UNC13C: variants seen among roughly 807,000 people sequenced by gnomAD.
UNC13C encodes the protein protein unc-13 homolog C.
A neutral mutation model predicts 245.4 loss-of-function variants in UNC13C; 174 were observed. That is an observed-to-expected ratio of 0.71 (90% CI 0.63 to 0.80). UNC13C has a LOEUF of 0.80. Ranked by LOEUF, UNC13C falls within the 30% of genes least tolerant of loss-of-function variation. The probability of loss-of-function intolerance (pLI) is 0.00; values close to 1 mark genes in which losing one functional copy is unlikely to be tolerated. For missense variants in UNC13C, 2,829 were observed against 2,602.9 expected, an observed-to-expected ratio of 1.09 and a Z score of -1.89; for synonymous variants, 992 against 895.1, an observed-to-expected ratio of 1.11 and a Z score of -1.93.
chr15:53,892,532 C>CT, the UNC13C span, among the ~76,000 whole-genome samples: 1 of 152,148 alleles, frequency 6.6e-6, no homozygotes, highest in Non-Finnish European at 1.5e-5. Context: ...TACATTTAGT[C>CT]TTTTCACATA....
intron 4 of UNC13C, among the ~76,000 whole-genome samples, chr15:54,188,477 G>C (rs1284333667): frequency 1.3e-5 from 2 of 151,958 alleles, no homozygotes; most frequent in African/African-American, 4.8e-5. Context: ...TGATAATTGG[G>C]TACAACAAAC....
At chr15:54,607,836 C>T (rs763909407) in intron 30 of UNC13C, among the ~76,000 whole-genome samples, 21 of 152,156 alleles carry the variant, frequency 1.4e-4, no homozygotes, top group Non-Finnish European at 2.9e-4. Flanking sequence ...GAAATTTGCT[C>T]CCATGATCCA....
the UNC13C span, among the ~76,000 whole-genome samples, chr15:53,873,744 T>TCTTTTTCTAGCAGATGACTTGC: frequency 6.6e-6 from 1 of 150,804 alleles, no homozygotes; most frequent in Admixed American, 6.6e-5. Flanking sequence ...GACACACAAC[T>TCTTTTTCTAGCAGATGACTTGC]ATGTTGCCCA....
intron 19 of UNC13C, among the ~76,000 whole-genome samples, chr15:54,460,004 G>T (rs528231575): frequency 6.6e-6 from 1 of 152,150 alleles, no homozygotes; most frequent in South Asian, 2.1e-4. Flanking sequence ...TACTTTTCTG[G>T]TTCCTTCTAC....
chr15:53,859,832 C>T, the UNC13C span, among the ~76,000 whole-genome samples: 376 of 152,174 alleles, frequency 2.5e-3, 2 homozygotes, highest in Non-Finnish European at 2.9e-3. Flanking sequence ...ATTGCTGAAT[C>T]CTTCTGATTT....
At chr15:54,175,267 C>T (rs1236139598) in intron 4 of UNC13C, among the ~76,000 whole-genome samples, 1 of 151,986 alleles carries the variant, frequency 6.6e-6, no homozygotes, top group Non-Finnish European at 1.5e-5. Context: ...ATACCCAGAC[C>T]GATGTTTGAT....
chr15:54,176,046 A>C (rs2033602146), intron 4 of UNC13C, among the ~76,000 whole-genome samples: 1 of 152,210 alleles, frequency 6.6e-6, no homozygotes, highest in African/African-American at 2.4e-5. Context: ...CTTAGTGTAG[A>C]TGTCTACTCT....
At chr15:53,999,888 A>G (rs72736973) in intron 1 of UNC13C, among the ~76,000 whole-genome samples, 2,656 of 152,092 alleles carry the variant, frequency 0.017, 37 homozygotes, top group Middle Eastern at 0.058. Flanking sequence ...AATGTCTTTT[A>G]TTATGGTCAC....
At chr15:54,558,505 G>T (rs776920048) in intron 29 of UNC13C, among the ~76,000 whole-genome samples, 1 of 151,874 alleles carries the variant, frequency 6.6e-6, no homozygotes, top group Non-Finnish European at 1.5e-5. Flanking sequence ...AAAATACCAC[G>T]TCAATTACTT....
At chr15:54,287,107 G>A (rs956067447) in intron 10 of UNC13C, among the ~76,000 whole-genome samples, 31 of 152,190 alleles carry the variant, frequency 2.0e-4, no homozygotes, top group South Asian at 2.1e-4. Context: ...CCCTAAACCC[G>A]GGGTCTTGGT....
chr15:54,346,531 T>A (rs1319389792), intron 17 of UNC13C, among the ~76,000 whole-genome samples: 1 of 152,212 alleles, frequency 6.6e-6, no homozygotes, highest in Non-Finnish European at 1.5e-5. Context: ...GTCTGATTAT[T>A]TAAATGTGGA....
intron 17 of UNC13C, among the ~76,000 whole-genome samples, chr15:54,340,392 A>T (rs1470258236): frequency 3.3e-5 from 5 of 152,144 alleles, no homozygotes; most frequent in Non-Finnish European, 2.9e-5. Flanking sequence ...TTCTGATGTT[A>T]TCTGCTAGAA....
At chr15:54,486,986 A>G (rs1043526603) in intron 19 of UNC13C, among the ~76,000 whole-genome samples, 2 of 152,186 alleles carry the variant, frequency 1.3e-5, no homozygotes, top group African/African-American at 4.8e-5. Context: ...TCAATCAGAG[A>G]GTATATCTAA....
intron 26 of UNC13C, among the ~76,000 whole-genome samples, chr15:54,542,228 A>G (rs1002509935): frequency 6.6e-6 from 1 of 152,000 alleles, no homozygotes; most frequent in African/African-American, 2.4e-5. Flanking sequence ...CAAAGAACTT[A>G]TTTATTTCTG....
intron 2 of UNC13C, among the ~76,000 whole-genome samples, chr15:54,062,384 A>G (rs1897883646): frequency 6.6e-6 from 1 of 151,746 alleles, no homozygotes; most frequent in Non-Finnish European, 1.5e-5. Context: ...CAGAGGTCGT[A>G]GTTTCCTATA....
At chr15:54,104,324 CT>C (rs938387294) in intron 2 of UNC13C, among the ~76,000 whole-genome samples, 3 of 152,066 alleles carry the variant, frequency 2.0e-5, no homozygotes, top group African/African-American at 7.2e-5. Flanking sequence ...CTTTTTCATC[CT>C]TTTTTTCCCT....
At chr15:54,063,369 A>G (rs960962130) in intron 2 of UNC13C, among the ~76,000 whole-genome samples, 1 of 152,134 alleles carries the variant, frequency 6.6e-6, no homozygotes, top group Non-Finnish European at 1.5e-5. Context: ...TTAGGATGTT[A>G]GAGTCCTTGG....
intron 30 of UNC13C, among the ~76,000 whole-genome samples, chr15:54,600,428 A>AT (rs1392777132): frequency 1.3e-5 from 2 of 152,114 alleles, no homozygotes; most frequent in Non-Finnish European, 2.9e-5. Context: ...TATTCAGAGT[A>AT]TAGGGGAGCA....
In UNC13C at chr15:54,013,415, G is replaced by A. The variant is rs137929834; in HGVS notation, c.512G>A (p.Arg171His). 5.1e-3 allele frequency: 8,181 copies of A among 1,613,784 alleles called. 30 individuals carry two copies. Among genetic ancestry groups the A allele is most frequent in the Non-Finnish European group, 6.5e-3 (7,649 of 1,179,844 alleles). The change falls in exon 2 of 33, where the codon CGT becomes CAT. Residue 171 changes from arginine to histidine, a missense_variant. Coordinates refer to ENST00000260323, the MANE Select transcript of UNC13C (RefSeq NM_001080534.3). ...TCTGAGGGCAGCTCTGACGGGGAGCGTACTCTACATGGCTTAAAACTGGGA... is the reference window on the plus strand; with the variant it reads ...TCTGAGGGCAGCTCTGACGGGGAGCATACTCTACATGGCTTAAAACTGGGA... ...APSEGSSDGERTLHGLKLGAL... is the reference protein window; with the variant it reads ...APSEGSSDGEHTLHGLKLGAL...
Sources: allele counts gnomAD v4.1 joint callset (sites outside exome capture counted in the v4.1 genomes callset), GRCh38; gene constraint gnomAD v4.1.1; transcripts MANE v1.5; gene names NCBI Gene and HGNC (gene_info 2026-07-23, HGNC 2026-07-21).